The following PPARGC1A variants were observed in gnomAD, a reference collection of about 807,000 sequenced individuals.
The protein encoded by PPARGC1A is peroxisome proliferator-activated receptor gamma coactivator 1-alpha.
PPARGC1A carries 25 observed loss-of-function variants against 88.7 expected under a neutral mutation model. That is an observed-to-expected ratio of 0.28 (90% CI 0.21 to 0.39). The LOEUF is 0.39. Among genes scored for constraint, PPARGC1A ranks in the 10% least tolerant of loss-of-function variants. The probability of loss-of-function intolerance (pLI) is 1.00; values close to 1 mark genes in which losing one functional copy is unlikely to be tolerated. For missense variants in PPARGC1A, 880 were observed against 968.7 expected (o/e 0.91, Z 1.22); for synonymous variants, 363 against 355.6 (o/e 1.02, Z -0.24).
the PPARGC1A span, among the ~76,000 whole-genome samples, chr4:24,198,580 G>A: frequency 1.2e-4 from 19 of 152,288 alleles, no homozygotes; most frequent in Admixed American, 3.9e-4. Context: ...CAGGTCCCCC[G>A]TTTAAAAAGT....
At chr4:24,013,011 C>T in the PPARGC1A span, among the ~76,000 whole-genome samples, 1 of 152,110 alleles carries the variant, frequency 6.6e-6, no homozygotes, top group East Asian at 1.9e-4. Context: ...CATGCAATCA[C>T]ACAATTAATC....
the PPARGC1A span, among the ~76,000 whole-genome samples, chr4:24,207,322 C>G: frequency 6.6e-6 from 1 of 152,146 alleles, no homozygotes. Context: ...ATGTACACAC[C>G]TCTCTAACAT....
the PPARGC1A span, among the ~76,000 whole-genome samples, chr4:24,437,604 T>TTGTTGC: frequency 9.0e-6 from 1 of 111,368 alleles, no homozygotes; most frequent in Non-Finnish European, 2.0e-5. Flanking sequence ...TTTGTTGTTG[T>TTGTTGC]TGTTGTTGTT....
chr4:24,116,620 G>A, the PPARGC1A span, among the ~76,000 whole-genome samples: 3 of 152,138 alleles, frequency 2.0e-5, no homozygotes, highest in African/African-American at 4.8e-5. Flanking sequence ...ACCACCCAAT[G>A]CAACGATCTG....
the PPARGC1A span, among the ~76,000 whole-genome samples, chr4:24,185,071 CAG>C: frequency 6.6e-6 from 1 of 152,094 alleles, no homozygotes; most frequent in African/African-American, 2.4e-5. Flanking sequence ...GAGAAAAGTA[CAG>C]AGACTGATCT....
the PPARGC1A span, among the ~76,000 whole-genome samples, chr4:23,944,390 C>T: frequency 1.3e-4 from 20 of 152,306 alleles, no homozygotes; most frequent in Admixed American, 3.3e-4. Flanking sequence ...ACAGATCCCA[C>T]GTATTTACCT....
the PPARGC1A span, among the ~76,000 whole-genome samples, chr4:23,917,603 G>T: frequency 3.3e-5 from 5 of 152,232 alleles, no homozygotes; most frequent in African/African-American, 1.2e-4. Context: ...GATTACAGGC[G>T]TGAGCCACCA....
At chr4:24,098,994 C>T in the PPARGC1A span, among the ~76,000 whole-genome samples, 31,135 of 152,032 alleles carry the variant, frequency 0.2, 4,096 homozygotes, top group Admixed American at 0.34. Context: ...ACTGGCCTTT[C>T]CAGTATGTTT....
intron 10 of PPARGC1A, among the ~76,000 whole-genome samples, chr4:23,808,527 A>C (rs1460337969): frequency 6.6e-6 from 1 of 152,174 alleles, no homozygotes; most frequent in South Asian, 2.1e-4. Context: ...AGTTGGACTT[A>C]GAACTCCACA....
chr4:24,443,413 G>A, the PPARGC1A span, among the ~76,000 whole-genome samples: 2 of 152,106 alleles, frequency 1.3e-5, no homozygotes, highest in African/African-American at 4.8e-5. Context: ...CTCTGGCACT[G>A]GGGAAGGGAG....
chr4:24,397,879 A>C, the PPARGC1A span, among the ~76,000 whole-genome samples: 2 of 152,230 alleles, frequency 1.3e-5, no homozygotes, highest in Non-Finnish European at 2.9e-5. Context: ...AAAGAGGAAA[A>C]CTAAAAGGCT....
At chr4:24,197,731 C>T in the PPARGC1A span, among the ~76,000 whole-genome samples, 1 of 152,184 alleles carries the variant, frequency 6.6e-6, no homozygotes, top group Non-Finnish European at 1.5e-5. Flanking sequence ...GAAAGTGCCA[C>T]AGAACCCAAC....
the PPARGC1A span, among the ~76,000 whole-genome samples, chr4:24,119,713 A>G: frequency 1.3e-5 from 2 of 152,310 alleles, no homozygotes; most frequent in African/African-American, 4.8e-5. Context: ...GCAGCAAAAA[A>G]TAAATGAAAA....
intron 3 of PPARGC1A, 113 bp from the exon 4 acceptor site, chr4:23,829,698 C>G (rs575508031): frequency 9.6e-7 from 1 of 1,044,416 alleles, no homozygotes; most frequent in Non-Finnish European, 1.3e-6. Flanking sequence ...AAAGTTAATT[C>G]TATCATTTTA....
At chr4:24,194,258 T>G in the PPARGC1A span, among the ~76,000 whole-genome samples, 4 of 152,234 alleles carry the variant, frequency 2.6e-5, no homozygotes, top group Admixed American at 2.6e-4. Flanking sequence ...GTATAGGAAC[T>G]TCCATTAAAG....
At chr4:23,859,928 A>G (rs1313344986) in intron 2 of PPARGC1A, among the ~76,000 whole-genome samples, 1 of 152,176 alleles carries the variant, frequency 6.6e-6, no homozygotes, top group Admixed American at 6.5e-5. Context: ...AGAAAATTCA[A>G]GAAGAATGGG....
chr4:23,975,164 G>A, the PPARGC1A span, among the ~76,000 whole-genome samples: 40 of 152,142 alleles, frequency 2.6e-4, 1 homozygote, highest in East Asian at 6.0e-3. Context: ...CTGTAAAATG[G>A]GGGAATTGAA....
At chr4:24,071,682 G>T in the PPARGC1A span, among the ~76,000 whole-genome samples, 2 of 152,066 alleles carry the variant, frequency 1.3e-5, no homozygotes, top group African/African-American at 4.8e-5. Context: ...TTCAGGATGT[G>T]CCTGAATTGT....
the PPARGC1A span, among the ~76,000 whole-genome samples, chr4:24,354,625 A>G: frequency 8.5e-5 from 13 of 152,172 alleles, no homozygotes; most frequent in Non-Finnish European, 1.6e-4. Context: ...GGTGGCTCAC[A>G]CCTGTAATCC....
Sources: gnomAD v4.1 joint callset for allele counts (sites outside exome capture counted in the v4.1 genomes callset) on GRCh38, gnomAD v4.1.1 for gene constraint, MANE v1.5 for transcripts, NCBI Gene and HGNC (gene_info 2026-07-23, HGNC 2026-07-21) for gene names.